The following PPP1CC variants were observed in gnomAD, a reference collection of about 807,000 sequenced individuals.
The protein encoded by PPP1CC is serine/threonine-protein phosphatase PP1-gamma catalytic subunit.
Under a neutral mutation model 38.4 loss-of-function variants are expected in PPP1CC, and 16 were observed. That is an observed-to-expected ratio of 0.42 (90% CI 0.28 to 0.63). The LOEUF (loss-of-function observed/expected upper bound fraction) is 0.63. PPP1CC is among the 30% of genes least tolerant of loss of function. The probability of loss-of-function intolerance (pLI) is 0.25; values close to 1 mark genes in which losing one functional copy is unlikely to be tolerated. For missense variants in PPP1CC, 170 were observed against 391.3 expected (o/e 0.43, Z 4.77); for synonymous variants, 158 against 136.0 (o/e 1.16, Z -1.13).
the PPP1CC span, among the ~76,000 whole-genome samples, chr12:110,711,703 T>A: frequency 2.6e-5 from 4 of 152,116 alleles, no homozygotes; most frequent in Non-Finnish European, 5.9e-5. Flanking sequence ...GGCAGGAGGA[T>A]CACCTGAGGT....
chr12:110,742,555 A>T, intron 1 of PPP1CC, 98 bp downstream of exon 1: 1 of 1,081,524 alleles, frequency 9.2e-7, no homozygotes, highest in East Asian at 3.2e-5. Flanking sequence ...CGGTGCTGCA[A>T]GCCCAACCGG....
downstream of PPP1CC, among the ~76,000 whole-genome samples, chr12:110,715,605 T>C (rs2069681078): frequency 6.6e-6 from 1 of 152,088 alleles, no homozygotes; most frequent in South Asian, 2.1e-4. Flanking sequence ...CCAAGTTTGA[T>C]GCTGGGCTGG....
chr12:110,742,099 G>A (rs529664630), intron 1 of PPP1CC, among the ~76,000 whole-genome samples: 70 of 152,248 alleles, frequency 4.6e-4, no homozygotes, highest in African/African-American at 1.5e-3. Context: ...CACACCTCTT[G>A]AGACATGAAC....
At chr12:110,739,777 G>A (rs1412015877) in intron 1 of PPP1CC, among the ~76,000 whole-genome samples, 1 of 152,180 alleles carries the variant, frequency 6.6e-6, no homozygotes, top group Non-Finnish European at 1.5e-5. Flanking sequence ...TAGCCACCAT[G>A]GCTCCTTGAA....
chr12:110,727,814 A>T (rs2069818027), intron 3 of PPP1CC, among the ~76,000 whole-genome samples: 1 of 152,186 alleles, frequency 6.6e-6, no homozygotes, highest in Non-Finnish European at 1.5e-5. Context: ...TTTCATGCCC[A>T]CAAGTAGACT....
In PPP1CC at chr12:110,722,700, TC is replaced by T; in HGVS notation, c.524-6del. On this transcript the variant is annotated splice_region_variant and splice_polypyrimidine_tract_variant and intron_variant, in intron 4 of 6. Coordinates refer to ENST00000335007, the MANE Select transcript of PPP1CC (RefSeq NM_002710.4). This position sits in a 1 kb window ranked among gnomAD's most constrained non-coding sequence, Gnocchi z 5.4. The stretch of plus-strand genomic sequence containing the variant: ...ATTGAAGATCTGGTGATAAACCTAT[TC>T]AATGAGGAAAAAAAAAAAATGAAGA... The T allele has an allele frequency of 6.3e-7, 1 of 1,583,142 alleles. No homozygotes were observed. Among genetic ancestry groups the T allele is most frequent in the African/African-American group, 1.4e-5 (1 of 73,122 alleles).
At chr12:110,728,313 G>A (rs1276604512) in intron 3 of PPP1CC, among the ~76,000 whole-genome samples, 1 of 151,368 alleles carries the variant, frequency 6.6e-6, no homozygotes, top group Non-Finnish European at 1.5e-5. Context: ...GCAGGAGAAT[G>A]GCGTGAACCC....
intron 1 of PPP1CC, among the ~76,000 whole-genome samples, 200 bp downstream of exon 1, chr12:110,742,453 T>A (rs1187789899): frequency 1.3e-5 from 2 of 151,698 alleles, no homozygotes; most frequent in Non-Finnish European, 2.9e-5. Flanking sequence ...GCCTGGAGGG[T>A]CCGCAGCTGG....
the PPP1CC span, among the ~76,000 whole-genome samples, chr12:110,712,413 G>T: frequency 6.6e-6 from 1 of 151,838 alleles, no homozygotes; most frequent in African/African-American, 2.4e-5. Context: ...GCCAAGGTGG[G>T]TGGATGGCTT....
intron 3 of PPP1CC, among the ~76,000 whole-genome samples, chr12:110,729,579 T>C (rs1455688297): frequency 6.6e-6 from 1 of 152,222 alleles, no homozygotes; most frequent in Non-Finnish European, 1.5e-5. Flanking sequence ...GGTCACAAAA[T>C]GTGTAAAATA....
chr12:110,739,206 G>T (rs887103101), intron 1 of PPP1CC, among the ~76,000 whole-genome samples: 19 of 152,188 alleles, frequency 1.2e-4, no homozygotes, highest in African/African-American at 4.1e-4. Context: ...TACTCAGGGG[G>T]CTGAGACACC....
chr12:110,722,703 AT>A lies in PPP1CC; in HGVS notation c.524-9del. On this transcript the variant is annotated splice_polypyrimidine_tract_variant and intron_variant, in intron 4 of 6. Transcript: ENST00000335007. This position sits in a 1 kb window ranked among gnomAD's most constrained non-coding sequence, Gnocchi z 5.4. ...GAAGATCTGGTGATAAACCTATTCA[AT>A]GAGGAAAAAAAAAAAATGAAGAAAG... is the stretch of plus-strand genomic sequence containing the variant. The A allele has an allele frequency of 6.3e-7, 1 of 1,581,056 alleles. No individual in the cohort carries two copies.
chr12:110,737,833 G>A (rs1041173853), intron 1 of PPP1CC, among the ~76,000 whole-genome samples: 3 of 151,948 alleles, frequency 2.0e-5, no homozygotes, highest in Non-Finnish European at 4.4e-5. Context: ...CTATAGATCC[G>A]GCTAGCCAAG....
chr12:110,742,589 C>A (rs1370702377), intron 1 of PPP1CC, 64 bp downstream of exon 1: 2 of 1,323,602 alleles, frequency 1.5e-6, no homozygotes, highest in Non-Finnish European at 2.0e-6. Context: ...CTCCCTCGAG[C>A]CCCCGGGGCC....
chr12:110,709,971 T>TAATA, the PPP1CC span, among the ~76,000 whole-genome samples: 1 of 136,594 alleles, frequency 7.3e-6, no homozygotes, highest in Non-Finnish European at 1.6e-5. Context: ...ATAATAATAA[T>TAATA]AATAAAGGAA....
downstream of PPP1CC, among the ~76,000 whole-genome samples, chr12:110,717,721 T>C (rs1265767280): frequency 2.0e-5 from 3 of 152,176 alleles, no homozygotes; most frequent in Non-Finnish European, 4.4e-5. Context: ...GGAAGTTTTC[T>C]TTAATGTCTT....
chr12:110,712,007 G>A, the PPP1CC span, among the ~76,000 whole-genome samples: 359 of 152,208 alleles, frequency 2.4e-3, no homozygotes, highest in Middle Eastern at 3.4e-3. Flanking sequence ...ATGATGGACC[G>A]CATATGTGAT....
rs766979809 is a variant in PPP1CC at position 110,742,708 on chromosome 12, C to T, written c.-1G>A. 8 of 1,448,166 alleles carry T rather than the reference C, an allele frequency of 5.5e-6. No homozygotes were observed. In the South Asian group the frequency reaches 1.0e-4, roughly 19 times the overall value. 89.7% of individuals were successfully genotyped at this position (1,448,166 alleles called of 1,614,324 possible). Reference sequence around the variant, plus strand: ...TGTTGAGTTTATCTAAATCCGCCATCGCCTTCCCACCGCCGACCCTCCCGC... The same window carrying T: ...TGTTGAGTTTATCTAAATCCGCCATTGCCTTCCCACCGCCGACCCTCCCGC... On this transcript the variant is annotated 5_prime_UTR_variant, in exon 1 of 7. Transcript: ENST00000335007.
At position 110,729,835 on chromosome 12, in the gene PPP1CC, A is replaced by C. The variant is rs1311160714; in HGVS notation, c.418+694T>G. Among the ~76,000 whole-genome samples, 4 of 152,246 alleles carry C rather than the reference A, an allele frequency of 2.6e-5. No individual in the cohort carries two copies. In the South Asian group the frequency reaches 8.3e-4, roughly 31 times the overall value. ...TTTACTACAAATCGCTGAATTGTAC[A>C]CTTTTAACAGAATAATTTTATGGAA... On this transcript the variant is annotated intron_variant, in intron 3 of 6. Transcript: ENST00000335007.
Sources: gnomAD v4.1 joint callset for allele counts (sites outside exome capture counted in the v4.1 genomes callset) on GRCh38, gnomAD v4.1.1 for gene constraint, Gnocchi (gnomAD v3.1) non-coding constraint, MANE v1.5 for transcripts, NCBI Gene and HGNC (gene_info 2026-07-23, HGNC 2026-07-21) for gene names.